The following BICD1 variants were observed in gnomAD, a reference collection of about 807,000 sequenced individuals.
BICD1 encodes protein bicaudal D homolog 1.
Under a neutral mutation model 92.5 loss-of-function variants are expected in BICD1, and 35 were observed. The observed-to-expected ratio is 0.38, with a 90% CI of 0.29 to 0.50. BICD1 has a LOEUF of 0.50. Among genes scored for constraint, BICD1 ranks in the 20% least tolerant of loss-of-function variants. The pLI is 0.93. For missense variants in BICD1, 950 were observed against 1,189.8 expected, an observed-to-expected ratio of 0.80 and a Z score of 2.97; for synonymous variants, 429 against 465.1, an observed-to-expected ratio of 0.92 and a Z score of 1.00.
At chr12:32,301,555 G>T (rs1948047011) in intron 3 of BICD1, among the ~76,000 whole-genome samples, 1 of 151,976 alleles carries the variant, frequency 6.6e-6, no homozygotes, top group African/African-American at 2.4e-5. Flanking sequence ...TGGAAGGATT[G>T]CTTCGGTCCA....
At chr12:32,247,707 T>C (rs1394079610) in intron 2 of BICD1, among the ~76,000 whole-genome samples, 1 of 151,910 alleles carries the variant, frequency 6.6e-6, no homozygotes, top group Non-Finnish European at 1.5e-5. Flanking sequence ...GGCAGGAAAA[T>C]TGGTTGAACT....
intron 1 of BICD1, among the ~76,000 whole-genome samples, chr12:32,145,680 G>T (rs547941154): frequency 5.5e-4 from 84 of 152,298 alleles, no homozygotes; most frequent in Non-Finnish European, 8.8e-4. Context: ...TCAGATGAGG[G>T]GTTAGGGAGA....
In BICD1 at chr12:32,265,089, G is replaced by A. The variant is rs140299772; in HGVS notation, c.427-28905G>A. On this transcript the variant is annotated intron_variant, in intron 2 of 9. Coordinates refer to ENST00000652176, the MANE Select transcript of BICD1 (RefSeq NM_001714.4). Reference sequence around the variant, plus strand: ...CAGAGCCCCCTCTCCTTACCTCCACGAGGCCTCTGGGGTCTCTGGGTTTCC... The same window carrying A: ...CAGAGCCCCCTCTCCTTACCTCCACAAGGCCTCTGGGGTCTCTGGGTTTCC... 5.9e-5 allele frequency among the ~76,000 whole-genome samples: 9 copies of A among 151,854 alleles called. No individual in the cohort carries two copies. In the East Asian group the frequency reaches 1.8e-3, roughly 30 times the overall value.
At chr12:32,188,732 CT>C (rs112355174) in intron 1 of BICD1, among the ~76,000 whole-genome samples, 279 of 143,818 alleles carry the variant, frequency 1.9e-3, no homozygotes, top group Middle Eastern at 3.6e-3. Flanking sequence ...TCTTGAATTC[CT>C]TTTTTTTTTT....
intron 1 of BICD1, among the ~76,000 whole-genome samples, chr12:32,141,848 C>T (rs1490170348): frequency 2.6e-5 from 4 of 152,116 alleles, no homozygotes; most frequent in African/African-American, 7.2e-5. Context: ...ATTCGCCGTT[C>T]GTTGTAAGCT....
intron 1 of BICD1, among the ~76,000 whole-genome samples, chr12:32,187,649 G>C (rs980774547): frequency 3.9e-5 from 6 of 151,972 alleles, no homozygotes; most frequent in African/African-American, 7.3e-5. Context: ...TCCAGCCTGG[G>C]CAACAGAGCG....
intron 4 of BICD1, among the ~76,000 whole-genome samples, chr12:32,308,966 T>A (rs1245147098): frequency 6.6e-6 from 1 of 151,648 alleles, no homozygotes; most frequent in East Asian, 1.9e-4. Flanking sequence ...TAACTGTAAA[T>A]TTTTTTTTAG....
intron 2 of BICD1, among the ~76,000 whole-genome samples, chr12:32,221,092 T>G (rs1592501275): frequency 2.3e-5 from 2 of 87,250 alleles, no homozygotes; most frequent in Admixed American, 1.7e-4. Context: ...TGGGGACTGT[T>G]GTGGGGTGGG....
In BICD1 at chr12:32,279,807, A is replaced by G. The variant is rs78218611; in HGVS notation, c.427-14187A>G. ...TGGTGCCACTTTCTTCATATGAATT[A>G]AAGTGAAAATTGCCAGGGTCAGTGG... On this transcript the variant is annotated intron_variant, in intron 2 of 9. Transcript: ENST00000652176. 6.2e-4 allele frequency among the ~76,000 whole-genome samples: 95 copies of G among 152,352 alleles called. No homozygotes were observed. The East Asian group carries it at 0.016, about 26-fold the overall frequency.
chr12:32,365,576 C>T (rs1050463369), intron 8 of BICD1, among the ~76,000 whole-genome samples: 11 of 152,184 alleles, frequency 7.2e-5, no homozygotes, highest in Admixed American at 6.5e-4. Flanking sequence ...CATTATACCT[C>T]CCTGGCAATG....
At chr12:32,371,200 TTCC>T (rs1184329373) in intron 9 of BICD1, among the ~76,000 whole-genome samples, 4 of 152,210 alleles carry the variant, frequency 2.6e-5, no homozygotes, top group African/African-American at 9.6e-5. Context: ...TCTCAAATGT[TTCC>T]AGTTTCTACC....
chr12:32,187,229 T>C (rs1350925071), intron 1 of BICD1, among the ~76,000 whole-genome samples: 3 of 152,222 alleles, frequency 2.0e-5, no homozygotes, highest in Non-Finnish European at 4.4e-5. Flanking sequence ...ATTCACTGTT[T>C]GCTTTAGGAA....
intron 8 of BICD1, among the ~76,000 whole-genome samples, chr12:32,357,523 G>A (rs1322576931): frequency 6.6e-6 from 1 of 152,198 alleles, no homozygotes; most frequent in African/African-American, 2.4e-5. Flanking sequence ...TTTGGAGCAA[G>A]TATCAAAGGC....
In BICD1 at chr12:32,146,837, T is replaced by C. The variant is rs150391132; in HGVS notation, c.213+39293T>C. ...TCCCTCCCTCCCTCCCTCCCTCCCT[T>C]CCTTCCTTCCTTCTCCTCCTCCTTC... On this transcript the variant is annotated intron_variant, in intron 1 of 9. Coordinates refer to ENST00000652176, the MANE Select transcript of BICD1 (RefSeq NM_001714.4). Among the ~76,000 whole-genome samples, 418 of 63,286 alleles carry C rather than the reference T, an allele frequency of 6.6e-3. 2 individuals are homozygous for C. The highest frequency in any genetic ancestry group is 0.019 in the South Asian group (40 of 2,058). 41.5% of individuals were successfully genotyped at this position (63,286 alleles called of 152,430 possible).
chr12:32,190,773 A>C (rs1399858575), intron 1 of BICD1, among the ~76,000 whole-genome samples: 4 of 152,308 alleles, frequency 2.6e-5, no homozygotes, highest in Admixed American at 2.0e-4. Context: ...AGACCATCTC[A>C]TCCAATAGCA....
intron 1 of BICD1, among the ~76,000 whole-genome samples, chr12:32,180,950 A>C (rs1433401438): frequency 6.6e-6 from 1 of 151,410 alleles, no homozygotes; most frequent in Non-Finnish European, 1.5e-5. Context: ...TTTTTTTTTT[A>C]ATTTTATTGT....
chr12:32,211,778 T>C (rs1298560486), intron 1 of BICD1, among the ~76,000 whole-genome samples: 1 of 151,730 alleles, frequency 6.6e-6, no homozygotes, highest in African/African-American at 2.4e-5. Flanking sequence ...AATACTTGAC[T>C]ATATAGTGAG....
chr12:32,230,874 T>C (rs538738223), intron 2 of BICD1, among the ~76,000 whole-genome samples: 1 of 78,404 alleles, frequency 1.3e-5, no homozygotes, highest in Non-Finnish European at 2.4e-5. Flanking sequence ...ATCTGTGAAA[T>C]TATCATGACT....
chr12:32,201,327 G>T (rs1334662647), intron 1 of BICD1, among the ~76,000 whole-genome samples: 3 of 152,170 alleles, frequency 2.0e-5, no homozygotes, highest in Admixed American at 2.0e-4. Context: ...TTAACAAGTT[G>T]TCCTTTAAAA....
Sources: gnomAD v4.1 joint callset for allele counts (sites outside exome capture counted in the v4.1 genomes callset) on GRCh38, gnomAD v4.1.1 for gene constraint, MANE v1.5 for transcripts, NCBI Gene and HGNC (gene_info 2026-07-23, HGNC 2026-07-21) for gene names.